CCDC92: variants seen among roughly 807,000 people sequenced by gnomAD.
CCDC92 encodes coiled-coil domain-containing protein 92.
A neutral mutation model predicts 24.9 loss-of-function variants in CCDC92; 12 were observed. The observed-to-expected ratio is 0.48, with a 90% CI of 0.31 to 0.78. CCDC92 has a LOEUF of 0.78. Among genes scored for constraint, CCDC92 ranks in the 30% least tolerant of loss-of-function variants. The pLI, the probability that CCDC92 is intolerant of heterozygous loss-of-function variation, is 0.05. For missense variants in CCDC92, 399 were observed against 439.4 expected (o/e 0.91, Z 0.82); for synonymous variants, 193 against 196.3 (o/e 0.98, Z 0.14).
intron 1 of CCDC92, among the ~76,000 whole-genome samples, chr12:123,959,617 C>T (rs962402065): frequency 3.3e-5 from 5 of 152,094 alleles, no homozygotes; most frequent in Admixed American, 1.3e-4. Context: ...AGGTGCCAGG[C>T]TTATAGATGA....
At position 123,937,362 on chromosome 12, in the gene CCDC92, A is replaced by G. The variant is rs1371659487; in HGVS notation, c.692T>C (p.Leu231Pro). Residue 231 changes from leucine to proline, a missense_variant, in exon 5 of 5, where the codon CTC (leucine) becomes CCC (proline). By Grantham distance (98) the Leu-to-Pro change is moderately conservative. Transcript: ENST00000238156. The surrounding 1 kb of genome is among the most constrained non-coding windows in gnomAD (Gnocchi z 8.4). Reference protein sequence around the residue: ...VYRFGAESRKLLLREPVDAMP... With the variant: ...VYRFGAESRKPLLREPVDAMP... Reference sequence around the variant, plus strand: ...AGCATCCACTGGTTCCCGCAAAAGGAGTTTCCTGCTCTCTGCCCCGAATCT... The same window carrying G: ...AGCATCCACTGGTTCCCGCAAAAGGGGTTTCCTGCTCTCTGCCCCGAATCT... 6.8e-6 allele frequency: 11 copies of G among 1,613,770 alleles called. No homozygotes were observed. The highest frequency in any genetic ancestry group is 1.3e-5 in the African/African-American group (1 of 74,860).
intron 1 of CCDC92, among the ~76,000 whole-genome samples, chr12:123,948,240 G>A (rs1211319495): frequency 6.6e-6 from 1 of 152,196 alleles, no homozygotes; most frequent in Admixed American, 6.5e-5. Flanking sequence ...TTTCTTCTAC[G>A]CTCTCCCACG....
chr12:123,940,384 T>G (rs1210245923), intron 4 of CCDC92, among the ~76,000 whole-genome samples: 1 of 152,170 alleles, frequency 6.6e-6, no homozygotes, highest in East Asian at 1.9e-4. Context: ...CATCCTTCCT[T>G]GAGAGTCATC....
Position 123,957,699 on chromosome 12 carries a change from CTTTTTT to C in CCDC92, c.-59-13341_-59-13336del, listed in dbSNP as rs59738995. The stretch of plus-strand genomic sequence containing the variant: ...ATCACTTAATTCTTTTTTTTTCCTT[CTTTTTT>C]TTTTTTTTTTTTTTTTTTGAGATGG... On this transcript the variant is annotated intron_variant, in intron 1 of 4. Transcript: ENST00000238156. 2.8e-4 allele frequency among the ~76,000 whole-genome samples: 21 copies of C among 75,894 alleles called. No homozygotes were observed. In the South Asian group the frequency reaches 3.8e-3, roughly 14 times the overall value. 49.8% of individuals were successfully genotyped at this position (75,894 alleles called of 152,430 possible).
At chr12:123,967,643 G>A (rs371581587) in intron 1 of CCDC92, among the ~76,000 whole-genome samples, 7 of 152,334 alleles carry the variant, frequency 4.6e-5, no homozygotes, top group Admixed American at 2.6e-4. Flanking sequence ...GTATGACAGA[G>A]ATGGAACTTT....
chr12:123,964,750 TA>T (rs1956352052), intron 1 of CCDC92, among the ~76,000 whole-genome samples: 1 of 152,234 alleles, frequency 6.6e-6, no homozygotes, highest in Non-Finnish European at 1.5e-5. Flanking sequence ...AAGAAACTAG[TA>T]TCTTTATAAA....
chr12:123,953,043 G>A (rs1290040536), intron 1 of CCDC92, among the ~76,000 whole-genome samples: 1 of 152,136 alleles, frequency 6.6e-6, no homozygotes, highest in African/African-American at 2.4e-5. Flanking sequence ...AGGGTAAAAT[G>A]AGATTTTTTG....
At chr12:123,965,446 T>C (rs1021954734) in intron 1 of CCDC92, among the ~76,000 whole-genome samples, 1 of 152,264 alleles carries the variant, frequency 6.6e-6, no homozygotes, top group Non-Finnish European at 1.5e-5. Context: ...TTTCTCACTT[T>C]TTCCTGTCTT....
At chr12:123,942,853 T>A in intron 3 of CCDC92, 68 bp from the exon 4 acceptor site, 1 of 1,298,414 alleles carries the variant, frequency 7.7e-7, no homozygotes, top group Non-Finnish European at 1.1e-6. Context: ...GCTTTGAAAA[T>A]GCAAAACCGA....
chr12:123,947,414 G>T (rs1376996260), intron 1 of CCDC92, among the ~76,000 whole-genome samples: 1 of 152,244 alleles, frequency 6.6e-6, no homozygotes, highest in Non-Finnish European at 1.5e-5. Flanking sequence ...GGTGAAGCCA[G>T]CCGGGCTCCT....
chr12:123,953,921 A>T (rs1226962628), intron 1 of CCDC92, among the ~76,000 whole-genome samples: 1 of 152,212 alleles, frequency 6.6e-6, no homozygotes, highest in Non-Finnish European at 1.5e-5. Flanking sequence ...TCGCCACTGC[A>T]CTCCAGCCTG....
intron 1 of CCDC92, among the ~76,000 whole-genome samples, chr12:123,947,378 C>T (rs547459973): frequency 6.6e-6 from 1 of 152,358 alleles, no homozygotes; most frequent in East Asian, 1.9e-4. Context: ...GCAGCTCCAC[C>T]TGCAGCCCCG....
intron 1 of CCDC92, among the ~76,000 whole-genome samples, chr12:123,959,761 CTCA>C (rs1843234635): frequency 6.6e-6 from 1 of 151,436 alleles, no homozygotes; most frequent in South Asian, 2.1e-4. Flanking sequence ...TGAAATGTGG[CTCA>C]TGTGTCTGAG....
rs145231106 is a variant in CCDC92 at position 123,967,354 on chromosome 12, T to C, written c.-60+5175A>G. 3.3e-4 allele frequency among the ~76,000 whole-genome samples: 51 copies of C among 152,340 alleles called. No individual in the cohort carries two copies. The East Asian group carries it at 9.2e-3, about 28-fold the overall frequency. ...ATAACTTCTGCTATGTTCTTATCTA[T>C]GGGAACACAAAACTGAGCGAAAAAC... On this transcript the variant is annotated intron_variant, in intron 1 of 4. Transcript: ENST00000238156.
chr12:123,947,111 G>T (rs1423861962), intron 1 of CCDC92, among the ~76,000 whole-genome samples: 1 of 152,202 alleles, frequency 6.6e-6, no homozygotes, highest in Non-Finnish European at 1.5e-5. Flanking sequence ...CAGGCCAGCA[G>T]CTGCAGAGGG....
intron 1 of CCDC92, chr12:123,944,937 G>C (rs1241083390): frequency 6.6e-6 from 1 of 151,976 alleles, no homozygotes; most frequent in African/African-American, 2.4e-5. Flanking sequence ...GCAGTGATTG[G>C]GCAGAGCTGA....
chr12:123,959,902 CA>C (rs1303482042), intron 1 of CCDC92, among the ~76,000 whole-genome samples: 5 of 152,190 alleles, frequency 3.3e-5, no homozygotes, highest in African/African-American at 1.2e-4. Flanking sequence ...ATCATTGCTT[CA>C]ATATGGAGAG....
chr12:123,960,921 A>C (rs1308611237), intron 1 of CCDC92: 3 of 152,204 alleles, frequency 2.0e-5, no homozygotes, highest in African/African-American at 7.2e-5. Flanking sequence ...AAAGTTTACA[A>C]GGCCTTTACA....
chr12:123,959,250 G>A (rs547633445), intron 1 of CCDC92, among the ~76,000 whole-genome samples: 2 of 152,290 alleles, frequency 1.3e-5, no homozygotes, highest in South Asian at 4.1e-4. Context: ...GGAACTTTCT[G>A]TGATGATGTA....
Sources: allele counts gnomAD v4.1 joint callset (sites outside exome capture counted in the v4.1 genomes callset), GRCh38; gene constraint gnomAD v4.1.1; non-coding constraint Gnocchi (gnomAD v3.1); transcripts MANE v1.5; gene names NCBI Gene and HGNC (gene_info 2026-07-23, HGNC 2026-07-21).